The following RAP1A variants were observed in gnomAD, a reference collection of about 807,000 sequenced individuals.
RAP1A encodes RAP1A, member of RAS oncogene family.
RAP1A carries 6 observed loss-of-function variants against 26.4 expected under a neutral mutation model. That is an observed-to-expected ratio of 0.23 (90% CI 0.12 to 0.45). The LOEUF is 0.45. RAP1A is among the 20% of genes least tolerant of loss of function. RAP1A has a pLI of 0.99. For missense variants in RAP1A, 121 were observed against 217.2 expected (o/e 0.56, Z 2.78); for synonymous variants, 73 against 79.4 (o/e 0.92, Z 0.43).
chr1:111,716,403 T>C lies in RAP1A; in HGVS notation c.*4002T>C, dbSNP rs1353779008. The C allele has an allele frequency of 2.0e-5, 3 of 152,276 alleles. No individual in the cohort carries two copies. The highest frequency in any genetic ancestry group is 2.0e-4 in the Admixed American group (3 of 15,290). The allele number at this position is 152,276 out of a possible 1,614,324, so 9.4% of individuals were successfully genotyped here. A position where few individuals can be genotyped will look rare whatever the true frequency, so the allele number is the denominator to read the frequency against. On this transcript the variant is annotated 3_prime_UTR_variant, in exon 8 of 8. Transcript: ENST00000369709. ...ATGGGTTTGTTGAATGTGCAGTCCA[T>C]TTATTGCCCTGTCTTGCTTAAATAT...
chr1:111,662,390 A>G (rs948882061), intron 1 of RAP1A, among the ~76,000 whole-genome samples: 4 of 80,368 alleles, frequency 5.0e-5, no homozygotes, highest in African/African-American at 2.1e-4. Context: ...GCGAGACTCC[A>G]TCTCAAAAAA....
intron 1 of RAP1A, among the ~76,000 whole-genome samples, chr1:111,614,392 A>G (rs115195232): frequency 2.9e-3 from 446 of 152,318 alleles, no homozygotes; most frequent in African/African-American, 0.01. Flanking sequence ...GGCAAGCTTA[A>G]AAATATATTT....
At chr1:111,691,776 T>C (rs1661678568) in intron 2 of RAP1A, among the ~76,000 whole-genome samples, 1 of 152,214 alleles carries the variant, frequency 6.6e-6, no homozygotes, top group Admixed American at 6.5e-5. Context: ...CACCCTAGAC[T>C]TAGATGGAAT....
intron 1 of RAP1A, among the ~76,000 whole-genome samples, chr1:111,569,391 CAAAAAA>C (rs34387699): frequency 3.8e-5 from 4 of 104,540 alleles, no homozygotes; most frequent in Admixed American, 1.0e-4. Flanking sequence ...ACTCCGTCTC[CAAAAAA>C]AAAAAAAAAA....
intron 1 of RAP1A, among the ~76,000 whole-genome samples, chr1:111,643,203 T>C (rs1187325372): frequency 6.6e-6 from 1 of 152,162 alleles, no homozygotes; most frequent in African/African-American, 2.4e-5. Context: ...AGTGATTGTG[T>C]CTCCTTTATT....
intron 1 of RAP1A, among the ~76,000 whole-genome samples, chr1:111,653,336 G>A (rs191744888): frequency 6.6e-6 from 1 of 152,086 alleles, no homozygotes. Flanking sequence ...GATAGTGATG[G>A]TGGTTATAAC....
At chr1:111,633,950 G>T (rs1359130310) in intron 1 of RAP1A, among the ~76,000 whole-genome samples, 1 of 152,146 alleles carries the variant, frequency 6.6e-6, no homozygotes, top group African/African-American at 2.4e-5. Context: ...TATATAGTAG[G>T]CCTTAAATAT....
chr1:111,680,163 A>G (rs900965923), intron 1 of RAP1A, among the ~76,000 whole-genome samples: 1 of 152,208 alleles, frequency 6.6e-6, no homozygotes, highest in Non-Finnish European at 1.5e-5. Flanking sequence ...GACTTCAAGA[A>G]TGAAGCCACG....
chr1:111,677,665 G>T (rs1433880699), intron 1 of RAP1A, among the ~76,000 whole-genome samples: 1 of 152,180 alleles, frequency 6.6e-6, no homozygotes, highest in African/African-American at 2.4e-5. Flanking sequence ...TGAAGGGCTG[G>T]TGTTCACCTG....
At chr1:111,648,778 T>G in intron 1 of RAP1A, 1 of 629,680 alleles carries the variant, frequency 1.6e-6, no homozygotes, top group Non-Finnish European at 3.0e-6. Context: ...GACCAGTACT[T>G]GTCTAGCTCC....
chr1:111,607,634 G>A (rs1557863696), intron 1 of RAP1A, among the ~76,000 whole-genome samples: 2 of 148,784 alleles, frequency 1.3e-5, no homozygotes, highest in Non-Finnish European at 3.0e-5. Context: ...GGCTGGCCGG[G>A]CGGGGGGCTG....
chr1:111,691,450 A>G (rs1435739303), intron 2 of RAP1A, 33 bp downstream of exon 2: 6 of 1,560,114 alleles, frequency 3.8e-6, no homozygotes, highest in Non-Finnish European at 5.3e-6. Flanking sequence ...ACTGATTAAT[A>G]TAATACAAGA....
At chr1:111,592,565 AAC>A (rs1174488107) in intron 1 of RAP1A, among the ~76,000 whole-genome samples, 1 of 152,212 alleles carries the variant, frequency 6.6e-6, no homozygotes. Context: ...TGGCCAAGTT[AAC>A]ACAGTTTGGG....
chr1:111,704,510 A>G (rs763281506), intron 6 of RAP1A, 24 bp downstream of exon 6: 1 of 1,568,604 alleles, frequency 6.4e-7, no homozygotes, highest in Non-Finnish European at 8.7e-7. Flanking sequence ...GCTGGGCAGC[A>G]CAAACAAGTG....
chr1:111,676,518 TTC>T (rs1478368142), intron 1 of RAP1A, among the ~76,000 whole-genome samples: 2 of 152,058 alleles, frequency 1.3e-5, no homozygotes, highest in Non-Finnish European at 2.9e-5. Context: ...TCTGAGAAAT[TTC>T]TCTCTTTCCC....
intron 1 of RAP1A, among the ~76,000 whole-genome samples, chr1:111,572,028 C>T (rs967721920): frequency 3.9e-5 from 6 of 152,010 alleles, no homozygotes; most frequent in African/African-American, 1.5e-4. Flanking sequence ...GCACCTCCTG[C>T]AGCTGAGAAA....
At chr1:111,590,570 TATA>T (rs1412118086) in intron 1 of RAP1A, among the ~76,000 whole-genome samples, 2 of 152,088 alleles carry the variant, frequency 1.3e-5, no homozygotes, top group Non-Finnish European at 2.9e-5. Context: ...TGTAGTAAAT[TATA>T]ATAATACATT....
chr1:111,548,094 C>T (rs900224480), intron 1 of RAP1A, among the ~76,000 whole-genome samples: 31 of 152,328 alleles, frequency 2.0e-4, no homozygotes, highest in African/African-American at 6.5e-4. Context: ...AATCTCGGCT[C>T]ACTGCAACCT....
At chr1:111,631,836 C>G (rs564406497) in intron 1 of RAP1A, among the ~76,000 whole-genome samples, 1 of 151,608 alleles carries the variant, frequency 6.6e-6, no homozygotes, top group African/African-American at 2.4e-5. Flanking sequence ...AAATAAAGAC[C>G]AAACACTTAC....
Sources: gnomAD v4.1 joint callset for allele counts (sites outside exome capture counted in the v4.1 genomes callset) on GRCh38, gnomAD v4.1.1 for gene constraint, MANE v1.5 for transcripts, NCBI Gene and HGNC (gene_info 2026-07-23, HGNC 2026-07-21) for gene names.